Variants in WNK2 observed in about 807,000 individuals in gnomAD.
The protein encoded by WNK2 is WNK lysine deficient protein kinase 2.
A neutral mutation model predicts 192.1 loss-of-function variants in WNK2; 67 were observed. The observed-to-expected ratio is 0.35, with a 90% confidence interval of 0.29 to 0.43. The LOEUF (loss-of-function observed/expected upper bound fraction) is 0.43. Ranked by LOEUF, WNK2 falls within the 20% of genes least tolerant of loss-of-function variation. The pLI is 1.00. For missense variants in WNK2, 2,698 were observed against 3,089.7 expected (o/e 0.87, Z 3.01); for synonymous variants, 1,439 against 1,393.9 (o/e 1.03, Z -0.72).
intron 16 of WNK2, among the ~76,000 whole-genome samples, chr9:93,266,778 T>C (rs1299380020): frequency 6.6e-6 from 1 of 152,034 alleles, no homozygotes; most frequent in Non-Finnish European, 1.5e-5. Flanking sequence ...CAGCCAGCTG[T>C]TTATAGTAGG....
At chr9:93,241,350 A>G (rs1053323970) in intron 7 of WNK2, among the ~76,000 whole-genome samples, 17 of 152,266 alleles carry the variant, frequency 1.1e-4, no homozygotes, top group Non-Finnish European at 2.4e-4. Flanking sequence ...GCGCATTTGC[A>G]GTGAACACCT....
intron 9 of WNK2, 119 bp downstream of exon 9, chr9:93,253,201 A>T: frequency 1.1e-6 from 1 of 929,894 alleles, no homozygotes; most frequent in Non-Finnish European, 1.4e-6. Context: ...GTCAGCATTA[A>T]AAGTGGCCTG....
rs982972338 is a variant in WNK2 at position 93,293,127 on chromosome 9, C to G, written c.5662C>G (p.Leu1888Val). The change falls in exon 23 of 30, where the codon CTC (leucine) becomes GTC (valine). Residue 1888 changes from leucine to valine, a missense_variant. Physicochemically the swap from Leu to Val is conservative, Grantham distance 32. Coordinates refer to ENST00000427277, the MANE Select transcript of WNK2 (RefSeq NM_006648.4). ...SYISSDNDSE[L>V]EDADIKKELQ... ...CATCAGCAGCGACAATGATTCGGAG[C>G]TCGAGGATGCTGACATAAAGAAGGA... 1.9e-6 allele frequency: 3 copies of G among 1,575,124 alleles called. No individual in the cohort carries two copies. The highest frequency in any genetic ancestry group is 2.6e-6 in the Non-Finnish European group (3 of 1,163,556).
Position 93,247,079 on chromosome 9 carries a change from G to T in WNK2, c.1543-464G>T, listed in dbSNP as rs146489595. ...CCTTACTGGTCCCTAATTACAAAAC[G>T]CATGTCCTTCCTCCATCTGCAACTC... On this transcript the variant is annotated intron_variant, in intron 7 of 29. Transcript: ENST00000427277. This position sits in a 1 kb window ranked among gnomAD's most constrained non-coding sequence, Gnocchi z 5.2. Among the ~76,000 whole-genome samples the T allele has an allele frequency of 6.6e-6, 1 of 152,178 alleles. No individual in the cohort carries two copies. Among genetic ancestry groups the T allele is most frequent in the African/African-American group, 2.4e-5 (1 of 41,436 alleles).
In WNK2 at chr9:93,185,341, G is replaced by GC. The variant is rs1564247247; in HGVS notation, c.417dup (p.Asp140ArgfsTer17). The GC allele has an allele frequency of 6.5e-7, 1 of 1,542,950 alleles. No individual in the cohort carries two copies. Among genetic ancestry groups the GC allele is most frequent in the Admixed American group, 2.0e-5 (1 of 50,864 alleles). ...CGCAGCCGCTGTCGAAACCGCGCCT[G>GC]CCCCCGACGGCGGCCCCAGGGAGGA... On this transcript the variant is annotated frameshift_variant, in exon 2 of 30. Transcript: ENST00000427277. LOFTEE classifies it high-confidence loss of function.
At chr9:93,277,085 C>G (rs927481156) in intron 19 of WNK2, among the ~76,000 whole-genome samples, 1 of 151,862 alleles carries the variant, frequency 6.6e-6, no homozygotes, top group Non-Finnish European at 1.5e-5. Flanking sequence ...AGATACTTCA[C>G]CAAACAGGAT....
intron 19 of WNK2, among the ~76,000 whole-genome samples, chr9:93,274,246 G>A (rs1306530080): frequency 1.3e-5 from 2 of 152,174 alleles, no homozygotes; most frequent in South Asian, 2.1e-4. Context: ...CATAAGGCCG[G>A]GTGCAGTGGC....
Position 93,256,412 on chromosome 9 carries a change from C to T in WNK2, c.2148C>T (p.Pro716=), listed in dbSNP as rs1318766697. The change falls in exon 10 of 30, where the codon CCC becomes CCT. Residue 716 remains proline, a synonymous_variant. Transcript: ENST00000427277. ...FAPVLPPPST[P]MPTGPGQPAP... is the part of the protein sequence containing the mutation. The stretch of plus-strand genomic sequence containing the variant: ...CCGTGCTGCCGCCGCCCAGCACCCC[C>T]ATGCCCACGGGCCCAGGCCAGCCAG... 6.5e-6 allele frequency: 10 copies of T among 1,542,970 alleles called. No individual in the cohort carries two copies. Among genetic ancestry groups the T allele is most frequent in the Non-Finnish European group, 8.7e-6 (10 of 1,149,950 alleles).
intron 7 of WNK2, among the ~76,000 whole-genome samples, chr9:93,241,496 T>C (rs1463698416): frequency 6.6e-6 from 1 of 152,196 alleles, no homozygotes; most frequent in Non-Finnish European, 1.5e-5. Context: ...TGTCCATCAG[T>C]CACCAGTTCC....
chr9:93,220,941 G>A (rs1416162884), intron 2 of WNK2, among the ~76,000 whole-genome samples: 3 of 152,190 alleles, frequency 2.0e-5, no homozygotes, highest in Non-Finnish European at 4.4e-5. Flanking sequence ...GCTCCATTCT[G>A]TGGTCCTGCC....
chr9:93,291,860 A>G (rs1262630616), intron 21 of WNK2, among the ~76,000 whole-genome samples: 2 of 152,308 alleles, frequency 1.3e-5, no homozygotes, highest in South Asian at 2.1e-4. Context: ...GATGGAGAGC[A>G]CCGGAATAGC....
chr9:93,217,577 G>A (rs572542173), intron 2 of WNK2, among the ~76,000 whole-genome samples: 1 of 151,496 alleles, frequency 6.6e-6, no homozygotes, highest in East Asian at 1.9e-4. Context: ...TAATGGGATT[G>A]GGGTGCAGAT....
At chr9:93,315,628 A>G (rs992631675) in intron 28 of WNK2, 1 of 152,178 alleles carries the variant, frequency 6.6e-6, no homozygotes, top group Non-Finnish European at 1.5e-5. Context: ...CTCTTTTCAA[A>G]CTGAAGTCTT....
At chr9:93,200,174 A>T (rs1326179697) in intron 2 of WNK2, among the ~76,000 whole-genome samples, 1 of 152,078 alleles carries the variant, frequency 6.6e-6, no homozygotes, top group East Asian at 1.9e-4. Flanking sequence ...GAGTGGAATT[A>T]TTGGCCCTGA....
At chr9:93,309,001 T>C (rs1853146696) in intron 28 of WNK2, 2 of 1,016,056 alleles carry the variant, frequency 2.0e-6, no homozygotes, top group South Asian at 8.7e-5. Flanking sequence ...CACCAGCGTC[T>C]GGCCATAGCT....
chr9:93,222,556 A>G (rs1057059169), intron 2 of WNK2, among the ~76,000 whole-genome samples: 1 of 152,108 alleles, frequency 6.6e-6, no homozygotes, highest in Non-Finnish European at 1.5e-5. Flanking sequence ...CATCTGGGAC[A>G]GGTCACCGGC....
intron 2 of WNK2, among the ~76,000 whole-genome samples, chr9:93,223,893 C>G (rs1444206808): frequency 6.6e-6 from 1 of 152,138 alleles, no homozygotes; most frequent in Non-Finnish European, 1.5e-5. Context: ...TGCTGTCTTC[C>G]CAGTGTGTCC....
At chr9:93,249,710 G>T (rs541728585) in intron 8 of WNK2, among the ~76,000 whole-genome samples, 1 of 151,774 alleles carries the variant, frequency 6.6e-6, no homozygotes, top group Non-Finnish European at 1.5e-5. Context: ...TCCTGACCTC[G>T]TGATCCGCCC....
At chr9:93,233,303 A>G (rs1353837569) in intron 4 of WNK2, among the ~76,000 whole-genome samples, 1 of 152,132 alleles carries the variant, frequency 6.6e-6, no homozygotes, top group Non-Finnish European at 1.5e-5. Context: ...CCCTCCACTC[A>G]GCTCCTGTTG....
Sources: allele counts gnomAD v4.1 joint callset (sites outside exome capture counted in the v4.1 genomes callset), GRCh38; gene constraint gnomAD v4.1.1; non-coding constraint Gnocchi (gnomAD v3.1); transcripts MANE v1.5; gene names NCBI Gene and HGNC (gene_info 2026-07-23, HGNC 2026-07-21).